The following EP300 variants were observed in gnomAD, a reference collection of about 807,000 sequenced individuals.
The protein encoded by EP300 is EP300 lysine acetyltransferase.
A neutral mutation model predicts 264.0 loss-of-function variants in EP300; 31 were observed. That is an observed-to-expected ratio of 0.12 (90% confidence interval 0.09 to 0.16). EP300 has a LOEUF of 0.16. EP300 is among the 10% of genes least tolerant of loss of function. The pLI, the probability that EP300 is intolerant of heterozygous loss-of-function variation, is 1.00. For synonymous variants in EP300, 1,340 were observed against 1,045.4 expected (o/e 1.28, Z -5.44); for missense variants, 2,766 against 3,052.9 (o/e 0.91, Z 2.21).
chr22:41,168,522 T>C lies in EP300; in HGVS notation c.3948T>C (p.Pro1316=). The change falls in exon 24 of 31, where the codon CCT becomes CCC. Residue 1316 remains proline (P), a synonymous_variant. Coordinates refer to ENST00000263253, the MANE Select transcript of EP300 (RefSeq NM_001429.4). ...ACTTTCTGAGGCGACAGAATCACCC[T>C]GAGTCAGGAGAGGTCACTGTTAGAG... ...VNDFLRRQNH[P]ESGEVTVRVV... is the part of the protein sequence containing the mutation. The C allele has an allele frequency of 6.2e-7, 1 of 1,614,202 alleles. No individual in the cohort carries two copies. The highest frequency in any genetic ancestry group is 8.5e-7 in the Non-Finnish European group (1 of 1,180,026).
chr22:41,172,152 A>C (rs967842428), intron 27 of EP300, among the ~76,000 whole-genome samples: 4 of 152,178 alleles, frequency 2.6e-5, no homozygotes, highest in African/African-American at 9.7e-5. Context: ...CATGCTTCAT[A>C]CCACATATTC....
At chr22:41,113,080 C>T (rs2058802017) in intron 1 of EP300, among the ~76,000 whole-genome samples, 1 of 150,582 alleles carries the variant, frequency 6.6e-6, no homozygotes. Flanking sequence ...TCACCCATTT[C>T]TCAGTCTGTA....
chr22:41,145,876 C>A (rs1194080209), intron 10 of EP300, among the ~76,000 whole-genome samples: 1 of 151,986 alleles, frequency 6.6e-6, no homozygotes, highest in African/African-American at 2.4e-5. Flanking sequence ...ACCTCGTGAT[C>A]CGCCCGCCTC....
At chr22:41,140,378 C>T (rs185700516) in intron 9 of EP300, 121 bp downstream of exon 9, 15 of 787,784 alleles carry the variant, frequency 1.9e-5, no homozygotes, top group Admixed American at 1.5e-4. Context: ...GTAGCTATCC[C>T]GTCTTATTGT....
At position 41,179,305 on chromosome 22, in the gene EP300, G is replaced by C. The variant is rs990634116; in HGVS notation, c.*349G>C. The C allele has an allele frequency of 1.0e-5, 3 of 291,560 alleles. No individual in the cohort carries two copies. The highest frequency in any genetic ancestry group is 6.4e-5 in the African/African-American group (3 of 46,798). The allele number at this position is 291,560 out of a possible 1,614,324, so 18.1% of individuals were successfully genotyped here. A position where few individuals can be genotyped will look rare whatever the true frequency, so the allele number is the denominator to read the frequency against. ...GTTTTATTATTTTTTTTAAATTAAT[G>C]AACATATGTAATATTAATAGTTATT... On this transcript the variant is annotated 3_prime_UTR_variant, in exon 31 of 31. Coordinates refer to ENST00000263253, the MANE Select transcript of EP300 (RefSeq NM_001429.4).
chr22:41,142,814 A>G (rs949106165), intron 10 of EP300, among the ~76,000 whole-genome samples: 5 of 152,020 alleles, frequency 3.3e-5, no homozygotes, highest in Non-Finnish European at 7.4e-5. Flanking sequence ...TGAACCCGGG[A>G]GGCGGAGCTT....
Position 41,179,498 on chromosome 22 carries a change from T to C in EP300, c.*542T>C, listed in dbSNP as rs2059227162. 1 of 173,534 alleles carries C rather than the reference T, an allele frequency of 5.8e-6. No individual in the cohort carries two copies. The highest frequency in any genetic ancestry group is 1.2e-5 in the Non-Finnish European group (1 of 82,852). 10.7% of individuals were successfully genotyped at this position (173,534 alleles called of 1,614,324 possible). A position where few individuals can be genotyped will look rare whatever the true frequency, so the allele number is the denominator to read the frequency against. On this transcript the variant is annotated 3_prime_UTR_variant, in exon 31 of 31. Coordinates refer to ENST00000263253, the MANE Select transcript of EP300 (RefSeq NM_001429.4). ...TATTAAAATACCAGTTTTTTTTCTC[T>C]GGGTGCAAAGATGTTCATTCTTTTA...
intron 21 of EP300, among the ~76,000 whole-genome samples, chr22:41,163,802 T>G (rs1220549008): frequency 6.6e-6 from 1 of 151,728 alleles, no homozygotes; most frequent in Admixed American, 6.6e-5. Context: ...CCTAGCCAGG[T>G]AGCTGAGAGG....
At chr22:41,121,897 A>G (rs1011462755) in intron 2 of EP300, among the ~76,000 whole-genome samples, 3 of 152,148 alleles carry the variant, frequency 2.0e-5, no homozygotes, top group African/African-American at 7.2e-5. Flanking sequence ...CTTTCATACT[A>G]TATCTATCAT....
At position 41,147,880 on chromosome 22, in the gene EP300, T is replaced by A; in HGVS notation, c.2175T>A (p.Ile725=). ...FGQMSMAQPP[I]VPRQTPPLQH... is the part of the protein sequence containing the mutation. ...AGATGAGCATGGCCCAGCCCCCTAT[T>A]GTACCCCGGCAAACCCCTCCTCTTC... is the stretch of plus-strand genomic sequence containing the variant. Residue 725 remains isoleucine (I), a synonymous_variant, in exon 12 of 31, where the codon ATT becomes ATA. Transcript: ENST00000263253. 1 of 1,614,174 alleles carries A rather than the reference T, an allele frequency of 6.2e-7. No homozygotes were observed. Among genetic ancestry groups the A allele is most frequent in the Non-Finnish European group, 8.5e-7 (1 of 1,180,026 alleles).
Position 41,117,344 on chromosome 22 carries a change from G to A in EP300, c.252G>A (p.Leu84=). 6.2e-6 allele frequency: 10 copies of A among 1,614,202 alleles called. No individual in the cohort carries two copies. Among genetic ancestry groups the A allele is most frequent in the Non-Finnish European group, 8.5e-6 (10 of 1,180,042 alleles). Residue 84 remains leucine, a synonymous_variant, in exon 2 of 31, where the codon TTG becomes TTA. Transcript: ENST00000263253. ...AASKHKQLSE[L]LRSGSSPNLN... ...CTAAACATAAACAGCTGTCAGAATTGCTGCGATCTGGTAGTTCCCCTAACC... is the reference window on the plus strand; with the variant it reads ...CTAAACATAAACAGCTGTCAGAATTACTGCGATCTGGTAGTTCCCCTAACC...
intron 1 of EP300, among the ~76,000 whole-genome samples, chr22:41,107,354 T>C (rs1373599009): frequency 6.6e-6 from 1 of 152,068 alleles, no homozygotes; most frequent in Non-Finnish European, 1.5e-5. Flanking sequence ...ACTGAGTTGA[T>C]TTTACTTCAT....
intron 8 of EP300, among the ~76,000 whole-genome samples, chr22:41,138,041 A>T (rs2058961935): frequency 6.6e-6 from 1 of 152,232 alleles, no homozygotes; most frequent in South Asian, 2.1e-4. Context: ...GACAGTAAAT[A>T]ATATATTAAA....
intron 2 of EP300, among the ~76,000 whole-genome samples, chr22:41,120,627 C>T (rs1200538058): frequency 6.6e-6 from 1 of 152,150 alleles, no homozygotes; most frequent in East Asian, 1.9e-4. Context: ...AAAAGTCTGA[C>T]CTATGGTGAT....
intron 6 of EP300, among the ~76,000 whole-genome samples, chr22:41,132,039 T>TA (rs1382226325): frequency 1.3e-5 from 2 of 151,702 alleles, no homozygotes; most frequent in Admixed American, 1.3e-4. Flanking sequence ...CTACTAAAAA[T>TA]ACAAAAATTA....
rs2059200109 is a variant in EP300, at chr22:41,176,299, C to T, written c.4832C>T (p.Pro1611Leu). The T allele has an allele frequency of 1.2e-6, 2 of 1,614,178 alleles. No individual in the cohort carries two copies. Among genetic ancestry groups the T allele is most frequent in the Non-Finnish European group, 1.7e-6 (2 of 1,180,034 alleles). ...GGCCCTGCTGCCAACTCCCTGCCTC[C>T]CATTGTTGATCCTGATCCTCTCATC... is the stretch of plus-strand genomic sequence containing the variant. ...IAGPAANSLP[P>L]IVDPDPLIPC... The change falls in exon 30 of 31, where the codon CCC (proline) becomes CTC (leucine). Residue 1611 changes from proline (P) to leucine (L), a missense_variant. Coordinates refer to ENST00000263253, the MANE Select transcript of EP300 (RefSeq NM_001429.4).
chr22:41,166,458 C>T, intron 22 of EP300, 141 bp from the exon 23 acceptor site: 2 of 647,236 alleles, frequency 3.1e-6, no homozygotes, highest in South Asian at 1.9e-5. Context: ...TCTAAAAGCT[C>T]TTTGTGTATT....
At chr22:41,137,547 T>G (rs1169821331) in intron 7 of EP300, 106 bp from the exon 8 acceptor site, 1 of 1,462,706 alleles carries the variant, frequency 6.8e-7, no homozygotes, top group Non-Finnish European at 9.6e-7. Context: ...CGAATAGAAG[T>G]GACATAGCAT....
In EP300 at chr22:41,103,361, T is replaced by C. The variant is rs550238639; in HGVS notation, c.94+10263T>C. 2.0e-4 allele frequency among the ~76,000 whole-genome samples: 31 copies of C among 152,304 alleles called. No individual in the cohort carries two copies. In the South Asian group the frequency reaches 6.0e-3, roughly 29 times the overall value. On this transcript the variant is annotated intron_variant, in intron 1 of 30. Coordinates refer to ENST00000263253, the MANE Select transcript of EP300 (RefSeq NM_001429.4). ...CCTACCAAGTCTTAGGTATTTGCAATGTAAAGACAAATTAAGGTGCCTTCT... is the reference window on the plus strand; with the variant it reads ...CCTACCAAGTCTTAGGTATTTGCAACGTAAAGACAAATTAAGGTGCCTTCT...
Sources: gnomAD v4.1 joint callset for allele counts (sites outside exome capture counted in the v4.1 genomes callset) on GRCh38, gnomAD v4.1.1 for gene constraint, MANE v1.5 for transcripts, NCBI Gene and HGNC (gene_info 2026-07-23, HGNC 2026-07-21) for gene names.